Variants in GTPBP4 observed in about 807,000 individuals in gnomAD.
The protein encoded by GTPBP4 is GTP-binding protein 4.
Under a neutral mutation model 81.7 loss-of-function variants are expected in GTPBP4, and 15 were observed. That is an observed-to-expected ratio of 0.18 (90% confidence interval 0.12 to 0.28). The LOEUF (loss-of-function observed/expected upper bound fraction) is 0.28, where lower values mean the gene tolerates loss of function less well. GTPBP4 is among the 10% of genes least tolerant of loss of function. The probability of loss-of-function intolerance (pLI) is 1.00; values close to 1 mark genes in which losing one functional copy is unlikely to be tolerated. For synonymous variants in GTPBP4, 272 were observed against 274.6 expected, an observed-to-expected ratio of 0.99 and a Z score of 0.09; for missense variants, 847 against 793.8, an observed-to-expected ratio of 1.07 and a Z score of -0.81.
At chr10:1,010,573 T>C (rs967865674) in intron 13 of GTPBP4, 53 bp downstream of exon 13, 3 of 974,144 alleles carry the variant, frequency 3.1e-6, no homozygotes, top group African/African-American at 3.2e-5. Context: ...TATAGTAGTA[T>C]TGCTGGAAGA....
intron 6 of GTPBP4, among the ~76,000 whole-genome samples, chr10:999,761 T>C (rs759033510): frequency 2.8e-4 from 42 of 152,212 alleles, no homozygotes; most frequent in Non-Finnish European, 5.0e-4. Flanking sequence ...AAGTTCGAGA[T>C]TGGCCTGGCC....
intron 14 of GTPBP4, among the ~76,000 whole-genome samples, chr10:1,013,002 G>C (rs1379747098): frequency 6.6e-6 from 1 of 151,924 alleles, no homozygotes; most frequent in African/African-American, 2.4e-5. Context: ...TTTTAGGGGG[G>C]AGATGGAGTC....
chr10:995,297 C>T (rs1347891037), intron 2 of GTPBP4, among the ~76,000 whole-genome samples: 1 of 152,110 alleles, frequency 6.6e-6, no homozygotes. Context: ...GACTCTCCAC[C>T]TAGAAGCTGT....
chr10:997,214 A>T lies in GTPBP4; in HGVS notation c.467A>T (p.Gln156Leu). The change falls in exon 5 of 17, where the codon CAG becomes CTG. Residue 156 changes from glutamine to leucine, a missense_variant. Physicochemically the swap from Gln to Leu is moderately radical, Grantham distance 113. This residue lies in a region of GTPBP4 where 241 missense variants were observed against 216.3 expected (regional missense o/e 1.11). Transcript: ENST00000360803. ...QSLEYLEQVR[Q>L]HLSRLPTIDP... is the part of the protein sequence containing the mutation. ...CAATTTGAACTTTTCCTAGTGCGTC[A>T]GCATTTATCCCGTTTGCCAACCATT... The T allele has an allele frequency of 6.4e-7, 1 of 1,570,152 alleles. No individual in the cohort carries two copies. Among genetic ancestry groups the T allele is most frequent in the Non-Finnish European group, 8.8e-7 (1 of 1,142,206 alleles).
chr10:992,073 A>T (rs184149407), intron 1 of GTPBP4, among the ~76,000 whole-genome samples: 3 of 151,442 alleles, frequency 2.0e-5, no homozygotes, highest in Non-Finnish European at 2.9e-5. Context: ...TTTGTAATTT[A>T]AAATATGTAG....
chr10:1,001,420 G>A (rs1283578245), intron 8 of GTPBP4, among the ~76,000 whole-genome samples: 1 of 152,218 alleles, frequency 6.6e-6, no homozygotes, highest in Non-Finnish European at 1.5e-5. Flanking sequence ...TCTGGATCTG[G>A]ATCTATGAGT....
At chr10:1,009,619 T>G (rs774270469) in intron 12 of GTPBP4, 39 bp downstream of exon 12, 2 of 1,155,644 alleles carry the variant, frequency 1.7e-6, no homozygotes, top group East Asian at 4.7e-5. Flanking sequence ...AAAATGCCAA[T>G]TGGACGTGAA....
chr10:1,007,922 T>C (rs772269654), intron 10 of GTPBP4: 1 of 517,826 alleles, frequency 1.9e-6, no homozygotes. Context: ...TCTCGCTGAT[T>C]TGTTACTTTT....
rs748186489 is a variant in GTPBP4, at chr10:1,019,708, G to C, written c.*2481G>C. 3.1e-6 allele frequency: 5 copies of C among 1,613,910 alleles called. No homozygotes were observed. In the East Asian group the frequency reaches 1.1e-4, roughly 36 times the overall value. On this transcript the variant is annotated 3_prime_UTR_variant, in exon 17 of 17. Transcript: ENST00000360803. Reference sequence around the variant, plus strand: ...TAGAGGATGCTTTTCGTTTCACTGGGATCCGGGTTCAGAGTGACGTTTTTC... The same window carrying C: ...TAGAGGATGCTTTTCGTTTCACTGGCATCCGGGTTCAGAGTGACGTTTTTC...
chr10:992,701 C>T lies in GTPBP4; in HGVS notation c.219+42C>T, dbSNP rs749427652. The T allele has an allele frequency of 8.9e-6, 11 of 1,230,748 alleles. No homozygotes were observed. The African/African-American group carries it at 1.0e-4, about 12-fold the overall frequency. The allele number at this position is 1,230,748 out of a possible 1,614,324, so 76.2% of individuals were successfully genotyped here. On this transcript the variant is annotated intron_variant, in intron 2 of 16. Coordinates refer to ENST00000360803, the MANE Select transcript of GTPBP4 (RefSeq NM_012341.3). The stretch of plus-strand genomic sequence containing the variant: ...ACTTCTGTGGTTATGTAAATACGGG[C>T]TTTCAGAGAACCAGTGTTTAACCAG...
intron 6 of GTPBP4, among the ~76,000 whole-genome samples, chr10:1,000,324 G>A (rs1013960106): frequency 7.5e-6 from 1 of 132,486 alleles, no homozygotes; most frequent in Non-Finnish European, 1.5e-5. Flanking sequence ...TGCAAGCTCC[G>A]CCTCCCTGGT....
chr10:1,006,428 C>G (rs989528952), intron 9 of GTPBP4, among the ~76,000 whole-genome samples: 1 of 152,144 alleles, frequency 6.6e-6, no homozygotes, highest in African/African-American at 2.4e-5. Flanking sequence ...CACCCAAGGT[C>G]GGGAGTTCGA....
chr10:1,003,020 TCTC>T (rs1450348299), intron 8 of GTPBP4, among the ~76,000 whole-genome samples: 2 of 152,228 alleles, frequency 1.3e-5, no homozygotes, highest in South Asian at 2.1e-4. Context: ...TCCCTTCTCT[TCTC>T]CTTCTTGAAC....
At chr10:1,006,204 A>T (rs1387776351) in intron 9 of GTPBP4, among the ~76,000 whole-genome samples, 1 of 152,258 alleles carries the variant, frequency 6.6e-6, no homozygotes, top group Non-Finnish European at 1.5e-5. Flanking sequence ...GTACAGTGAA[A>T]ATTATTTTTA....
rs758272972 is a variant in GTPBP4, at chr10:1,019,503, G to A, written c.*2276G>A. On this transcript the variant is annotated 3_prime_UTR_variant, in exon 17 of 17. Coordinates refer to ENST00000360803, the MANE Select transcript of GTPBP4 (RefSeq NM_012341.3). ...TGAGGGCATTACACATGGCTGACTC[G>A]ACCTCCCTGCCTCTCACACTCTGTG... 38 of 1,601,890 alleles carry A rather than the reference G, an allele frequency of 2.4e-5. No individual in the cohort carries two copies. The highest frequency in any genetic ancestry group is 3.0e-5 in the Non-Finnish European group (35 of 1,172,042).
Position 999,015 on chromosome 10 carries a change from G to A in GTPBP4, c.574G>A (p.Asp192Asn). 1.3e-6 allele frequency: 2 copies of A among 1,597,446 alleles called. No homozygotes were observed. The highest frequency in any genetic ancestry group is 8.6e-7 in the Non-Finnish European group (1 of 1,164,668). Reference protein sequence around the residue: ...SSFINKVTRADVDVQPYAFTT... With the variant: ...SSFINKVTRANVDVQPYAFTT... ...TCACTTGTTCCAGGTGACGAGAGCA[G>A]ACGTGGATGTCCAGCCCTATGCGTT... The change falls in exon 6 of 17, where the codon GAC (aspartate) becomes AAC (asparagine). Residue 192 changes from aspartate (D) to asparagine (N), a missense_variant. Coordinates refer to ENST00000360803, the MANE Select transcript of GTPBP4 (RefSeq NM_012341.3).
At chr10:1,001,161 A>C in intron 8 of GTPBP4, 148 bp downstream of exon 8, 1 of 627,904 alleles carries the variant, frequency 1.6e-6, no homozygotes, top group Admixed American at 2.9e-5. Context: ...GGTTTAGTGA[A>C]AAGACATAAT....
At position 996,361 on chromosome 10, in the gene GTPBP4, T is replaced by C; in HGVS notation, c.460+119T>C. On this transcript the variant is annotated intron_variant, in intron 4 of 16. Transcript: ENST00000360803. ...TGGAGATGACAGGGTCAGTTATTCT[T>C]CCTAGCTTTACCTATGAGAAACAGT... 2.5e-6 allele frequency: 2 copies of C among 792,202 alleles called. 1 individual carries two copies. The highest frequency in any genetic ancestry group is 3.9e-6 in the Non-Finnish European group (2 of 517,104). 49.1% of individuals were successfully genotyped at this position (792,202 alleles called of 1,614,324 possible).
At chr10:1,000,601 G>C (rs554057656) in intron 6 of GTPBP4, 76 bp from the exon 7 acceptor site, 2 of 750,920 alleles carry the variant, frequency 2.7e-6, no homozygotes, top group Admixed American at 3.6e-5. Context: ...GGGTGTGTGT[G>C]AGTGACTTCT....
Sources: gnomAD v4.1 joint callset for allele counts (sites outside exome capture counted in the v4.1 genomes callset) on GRCh38, gnomAD v4.1.1 for gene constraint, gnomAD v4.1.1 regional missense constraint, MANE v1.5 for transcripts, NCBI Gene and HGNC (gene_info 2026-07-23, HGNC 2026-07-21) for gene names.